Variants in ZNF536 observed in about 807,000 individuals in gnomAD.
The protein encoded by ZNF536 is zinc finger protein 536.
In ZNF536, 13 loss-of-function variants were observed where a neutral mutation model predicts 84.5. That is an observed-to-expected ratio of 0.15 (90% CI 0.10 to 0.24). The LOEUF (loss-of-function observed/expected upper bound fraction) is 0.24, where lower values mean the gene tolerates loss of function less well. Ranked by LOEUF, ZNF536 falls within the 10% of genes least tolerant of loss-of-function variation. ZNF536 has a pLI of 1.00. For synonymous variants in ZNF536, 811 were observed against 742.5 expected, an observed-to-expected ratio of 1.09 and a Z score of -1.50; for missense variants, 1,536 against 1,747.5, an observed-to-expected ratio of 0.88 and a Z score of 2.16.
At chr19:30,396,446 T>G (rs1187620387) in intron 1 of ZNF536, among the ~76,000 whole-genome samples, 1 of 152,222 alleles carries the variant, frequency 6.6e-6, no homozygotes, top group African/African-American at 2.4e-5. Context: ...GTCTCTTCCA[T>G]CCATCTTTCT....
At chr19:30,349,414 T>C (rs185525919) in intron 2 of ZNF536, among the ~76,000 whole-genome samples, 78 of 152,272 alleles carry the variant, frequency 5.1e-4, no homozygotes, top group African/African-American at 1.8e-3. Flanking sequence ...CTGCCTTCCT[T>C]ATACTGGAGT....
chr19:30,552,915 G>C (rs1208142522), intron 4 of ZNF536, among the ~76,000 whole-genome samples: 1 of 152,184 alleles, frequency 6.6e-6, no homozygotes, highest in Non-Finnish European at 1.5e-5. Flanking sequence ...AGCCATCTTG[G>C]ATTAAGCCAG....
intron 2 of ZNF536, among the ~76,000 whole-genome samples, chr19:30,303,186 G>C (rs1426642478): frequency 6.6e-6 from 1 of 152,136 alleles, no homozygotes; most frequent in African/African-American, 2.4e-5. Context: ...CCTGGGATGG[G>C]GACAGAGCAC....
rs757275209 is a variant in ZNF536 at position 30,445,683 on chromosome 19, C to T, written c.2121C>T (p.Thr707=). The T allele has an allele frequency of 1.1e-5, 17 of 1,601,292 alleles. No individual in the cohort carries two copies. The highest frequency in any genetic ancestry group is 6.7e-5 in the East Asian group (3 of 44,668). Residue 707 remains threonine (T), a synonymous_variant, in exon 2 of 5, where the codon ACC becomes ACT. Transcript: ENST00000355537. The surrounding 1 kb of genome is among the most constrained non-coding windows in gnomAD (Gnocchi z 4.5). ...GGGTCGGAGGCGGCCTCTCCCAGAC[C>T]GGGAGTGCCCAGGAGGACAGCCCGC... ...ESGVGGGLSQ[T]GSAQEDSPHP...
chr19:30,227,901 G>C (rs1446143306), upstream of ZNF536, among the ~76,000 whole-genome samples: 2 of 151,992 alleles, frequency 1.3e-5, no homozygotes, highest in African/African-American at 2.4e-5. Context: ...GGCGGGGATG[G>C]GCGCGGGAAG....
At chr19:30,277,562 A>G (rs1360219966) in intron 1 of ZNF536, among the ~76,000 whole-genome samples, 13 of 152,192 alleles carry the variant, frequency 8.5e-5, no homozygotes, top group Non-Finnish European at 1.5e-5. Flanking sequence ...TCTGTGTTAT[A>G]ATATTTCAGC....
chr19:30,406,815 C>T (rs1285626052), intron 1 of ZNF536, among the ~76,000 whole-genome samples: 2 of 152,164 alleles, frequency 1.3e-5, no homozygotes, highest in African/African-American at 4.8e-5. Flanking sequence ...GTTGGCATTT[C>T]CCTGGGTGTT....
intron 2 of ZNF536, among the ~76,000 whole-genome samples, chr19:30,331,324 A>AG (rs1319963231): frequency 6.8e-6 from 1 of 147,380 alleles, no homozygotes; most frequent in Non-Finnish European, 1.5e-5. Context: ...AAAAAAAAGA[A>AG]TATTATTTGT....
intron 1 of ZNF536, among the ~76,000 whole-genome samples, chr19:30,625,868 A>T (rs1185810875): frequency 6.6e-6 from 1 of 152,112 alleles, no homozygotes; most frequent in African/African-American, 2.4e-5. Flanking sequence ...AGGCCTCTTG[A>T]CCTATTCATT....
chr19:30,236,514 T>C (rs1302390318), intron 1 of ZNF536, among the ~76,000 whole-genome samples: 1 of 144,378 alleles, frequency 6.9e-6, no homozygotes, highest in African/African-American at 2.8e-5. Flanking sequence ...GAAAAAGCTT[T>C]TGTTAAAGTT....
intron 1 of ZNF536, among the ~76,000 whole-genome samples, chr19:30,650,119 G>T (rs528506645): frequency 6.6e-6 from 1 of 152,146 alleles, no homozygotes. Context: ...TTACATTTAC[G>T]TCAAAAATTA....
chr19:30,468,124 C>T (rs1313084635), intron 2 of ZNF536, among the ~76,000 whole-genome samples: 1 of 152,232 alleles, frequency 6.6e-6, no homozygotes, highest in Non-Finnish European at 1.5e-5. Flanking sequence ...ACTGAAATTC[C>T]AGAAAACAAC....
At chr19:30,318,082 G>A (rs2046738935) in intron 2 of ZNF536, among the ~76,000 whole-genome samples, 1 of 152,182 alleles carries the variant, frequency 6.6e-6, no homozygotes, top group Non-Finnish European at 1.5e-5. Context: ...CCAAGTGTCG[G>A]CACATCCGGC....
At chr19:30,264,944 T>TGG (rs2025424815) in intron 1 of ZNF536, among the ~76,000 whole-genome samples, 1 of 96,876 alleles carries the variant, frequency 1.0e-5, no homozygotes, top group Non-Finnish European at 1.8e-5. Flanking sequence ...TGTGTGTGTG[T>TGG]GTGTGTGTGT....
chr19:30,226,099 C>T (rs2022595352), upstream of ZNF536, among the ~76,000 whole-genome samples: 1 of 151,888 alleles, frequency 6.6e-6, no homozygotes, highest in South Asian at 2.1e-4. The surrounding 1 kb of genome is among the most constrained non-coding windows in gnomAD (Gnocchi z 4.6). Context: ...GTCCCGAGGC[C>T]TGGCGCCCGG....
chr19:30,558,011 A>G lies in ZNF536; in HGVS notation c.*847A>G, dbSNP rs1244494786. On this transcript the variant is annotated 3_prime_UTR_variant, in exon 5 of 5. Transcript: ENST00000355537. ...GTAAAATAATACTAAAAATGCTTCAATAACTTATCTTGGTATTGCTAATAA... is the reference window on the plus strand; with the variant it reads ...GTAAAATAATACTAAAAATGCTTCAGTAACTTATCTTGGTATTGCTAATAA... The G allele has an allele frequency of 6.6e-6, 1 of 152,606 alleles. No individual in the cohort carries two copies. The highest frequency in any genetic ancestry group is 1.5e-5 in the Non-Finnish European group (1 of 68,034). The allele number at this position is 152,606 out of a possible 1,614,324, so 9.5% of individuals were successfully genotyped here.
At chr19:30,630,415 GTGT>G in intron 1 of ZNF536, among the ~76,000 whole-genome samples, 1 of 152,098 alleles carries the variant, frequency 6.6e-6, no homozygotes, top group Admixed American at 6.5e-5. Flanking sequence ...GTGTGTGTGT[GTGT>G]GTGTGTGTGT....
intron 2 of ZNF536, among the ~76,000 whole-genome samples, chr19:30,337,384 C>T (rs2047415715): frequency 6.6e-6 from 1 of 152,190 alleles, no homozygotes; most frequent in Admixed American, 6.5e-5. Flanking sequence ...GCTTGGCCAC[C>T]CCTTTAGTCA....
chr19:30,660,122 G>A (rs1203467309), intron 1 of ZNF536, among the ~76,000 whole-genome samples: 3 of 152,130 alleles, frequency 2.0e-5, no homozygotes, highest in South Asian at 2.1e-4. Flanking sequence ...TTGCCTATTC[G>A]TGGAGAAACA....
Sources: gnomAD v4.1 joint callset for allele counts (sites outside exome capture counted in the v4.1 genomes callset) on GRCh38, gnomAD v4.1.1 for gene constraint, Gnocchi (gnomAD v3.1) non-coding constraint, MANE v1.5 for transcripts, NCBI Gene and HGNC (gene_info 2026-07-23, HGNC 2026-07-21) for gene names.